The following MEF2C variants were observed in gnomAD, a reference collection of about 807,000 sequenced individuals.
MEF2C encodes the protein myocyte-specific enhancer factor 2C.
A neutral mutation model predicts 50.5 loss-of-function variants in MEF2C; 6 were observed. That is an observed-to-expected ratio of 0.12 (90% confidence interval 0.07 to 0.23). The LOEUF (loss-of-function observed/expected upper bound fraction) is 0.23, where lower values mean the gene tolerates loss of function less well. MEF2C is among the 10% of genes least tolerant of loss of function. MEF2C has a pLI of 1.00. For synonymous variants in MEF2C, 183 were observed against 228.0 expected (o/e 0.80, Z 1.78); for missense variants, 276 against 605.0 (o/e 0.46, Z 5.70).
chr5:88,876,519 G>C (rs1321670780), intron 1 of MEF2C, among the ~76,000 whole-genome samples: 1 of 151,894 alleles, frequency 6.6e-6, no homozygotes, highest in African/African-American at 2.4e-5. Context: ...CAATTAATTA[G>C]AAGACAAAAA....
chr5:88,873,708 ATTTTTTTTTTTTTTTTTTT>A (rs199642010), intron 1 of MEF2C, among the ~76,000 whole-genome samples: 1 of 93,832 alleles, frequency 1.1e-5, no homozygotes, highest in Admixed American at 1.2e-4. Flanking sequence ...GTCGTCACGG[ATTTTTTTTTTTTTTTTTTT>A]TTTTTTTTTT....
At chr5:88,750,647 T>A (rs879856055) in intron 5 of MEF2C, among the ~76,000 whole-genome samples, 2 of 152,222 alleles carry the variant, frequency 1.3e-5, no homozygotes, top group Non-Finnish European at 2.9e-5. Flanking sequence ...AAGGAATACA[T>A]GTGGTTACTG....
Position 88,735,355 on chromosome 5 carries a change from T to C in MEF2C, c.638-3454A>G, listed in dbSNP as rs891628967. On this transcript the variant is annotated intron_variant, in intron 6 of 10. Transcript: ENST00000504921. The stretch of plus-strand genomic sequence containing the variant: ...ATATGGATTCAACCTTTTTTCATGC[T>C]ATGTTTTAAAATTACCCTCTGCCTG... 4 of 985,422 alleles carry C rather than the reference T, an allele frequency of 4.1e-6. No homozygotes were observed. In the African/African-American group the frequency reaches 5.2e-5, roughly 13 times the overall value. 61.0% of individuals were successfully genotyped at this position (985,422 alleles called of 1,614,324 possible).
chr5:88,738,187 C>T, intron 6 of MEF2C: 1 of 985,278 alleles, frequency 1.0e-6, no homozygotes, highest in Non-Finnish European at 1.2e-6. Flanking sequence ...AGAAGTATTT[C>T]CCTAGTGTGA....
At chr5:88,872,150 G>A (rs1380733299) in intron 1 of MEF2C, among the ~76,000 whole-genome samples, 3 of 151,934 alleles carry the variant, frequency 2.0e-5, no homozygotes, top group Admixed American at 6.6e-5. Context: ...GGTTATTAAT[G>A]TATACAAAAG....
At chr5:88,873,448 G>T (rs571661167) in intron 1 of MEF2C, among the ~76,000 whole-genome samples, 1 of 152,092 alleles carries the variant, frequency 6.6e-6, no homozygotes, top group Admixed American at 6.6e-5. Flanking sequence ...CAAGAAGGAA[G>T]CTCAGACAGG....
intron 1 of MEF2C, among the ~76,000 whole-genome samples, chr5:88,854,320 G>A (rs1477982820): frequency 6.6e-6 from 1 of 152,116 alleles, no homozygotes; most frequent in Non-Finnish European, 1.5e-5. Context: ...TTAGTTGAGA[G>A]ATTAGAAATC....
intron 1 of MEF2C, among the ~76,000 whole-genome samples, chr5:88,878,635 T>C (rs1231827611): frequency 6.6e-6 from 1 of 152,066 alleles, no homozygotes; most frequent in Non-Finnish European, 1.5e-5. Flanking sequence ...TTCTAATAAA[T>C]ATACTCCATA....
At chr5:88,752,577 G>A (rs1383562624) in intron 4 of MEF2C, 2 of 974,846 alleles carry the variant, frequency 2.1e-6, no homozygotes, top group Non-Finnish European at 2.4e-6. Context: ...AAAGATAATA[G>A]GCATTTTAAC....
At chr5:88,894,423 T>C (rs1430061531) in intron 1 of MEF2C, among the ~76,000 whole-genome samples, 1 of 152,252 alleles carries the variant, frequency 6.6e-6, no homozygotes, top group Non-Finnish European at 1.5e-5. Flanking sequence ...TAAAGGCATG[T>C]CATCCTCTTT....
At position 88,879,134 on chromosome 5, in the gene MEF2C, C is replaced by T. The variant is rs181533283; in HGVS notation, c.-143+3821G>A. On this transcript the variant is annotated intron_variant, in intron 1 of 10. Coordinates refer to ENST00000504921, the MANE Select transcript of MEF2C (RefSeq NM_002397.5). ...ACAGATGATGTAGGCAATGAAAATG[C>T]AATGTTTACATTTATGGGTGACTCA... Among the ~76,000 whole-genome samples, 480 of 151,878 alleles carry T rather than the reference C, an allele frequency of 3.2e-3. 3 individuals are homozygous for T. The highest frequency in any genetic ancestry group is 0.011 in the African/African-American group (460 of 41,492).
intron 3 of MEF2C, chr5:88,762,010 T>G (rs1778089843): frequency 6.6e-6 from 1 of 152,132 alleles, no homozygotes; most frequent in South Asian, 2.1e-4. Flanking sequence ...GAAAGAAAAG[T>G]GAAAACAGCT....
At chr5:88,862,170 C>G (rs1445018977) in intron 1 of MEF2C, among the ~76,000 whole-genome samples, 1 of 152,216 alleles carries the variant, frequency 6.6e-6, no homozygotes, top group Non-Finnish European at 1.5e-5. Context: ...AATCCCTGCT[C>G]TTTACATAAA....
chr5:88,824,701 C>T (rs1257664094), intron 1 of MEF2C, among the ~76,000 whole-genome samples: 2 of 151,808 alleles, frequency 1.3e-5, no homozygotes, highest in Non-Finnish European at 2.9e-5. Flanking sequence ...ACAAGCCATC[C>T]TTCCTTTAAA....
chr5:88,801,648 G>C (rs1175093048), intron 3 of MEF2C, among the ~76,000 whole-genome samples: 2 of 151,874 alleles, frequency 1.3e-5, no homozygotes, highest in Non-Finnish European at 1.5e-5. Flanking sequence ...CACCACGCTC[G>C]GCTAATTTTT....
intron 3 of MEF2C, chr5:88,775,720 C>T (rs943122190): frequency 4.3e-6 from 3 of 690,656 alleles, no homozygotes; most frequent in Admixed American, 6.3e-5. Context: ...CCCATGACTG[C>T]ATATATTATG....
chr5:88,761,281 A>G lies in MEF2C; in HGVS notation c.306T>C (p.Asp102=), dbSNP rs1050819610. The part of the protein sequence containing the change: ...GLNGCDSPDP[D]ADDSVGHSPE... The stretch of plus-strand genomic sequence containing the variant: ...GGCTGTGACCTACGGAATCGTCCGC[A>G]TCGGGGTCTGGGCTGTCACAGCCAT... The change falls in exon 4 of 11, where the codon GAT becomes GAC. Residue 102 remains aspartate, a synonymous_variant. Transcript: ENST00000504921. 6.2e-7 allele frequency: 1 copy of G among 1,614,018 alleles called. No homozygotes were observed. The highest frequency in any genetic ancestry group is 8.5e-7 in the Non-Finnish European group (1 of 1,179,886).
In MEF2C at chr5:88,731,880, C is replaced by T; in HGVS notation, c.659G>A (p.Arg220Gln). The change falls in exon 7 of 11, where the codon CGA becomes CAA. Residue 220 changes from arginine (R) to glutamine (Q), a missense_variant. By Grantham distance (43) the Arg-to-Gln change is conservative. Around this residue, in one of 2 missense-constraint regions of MEF2C, gnomAD observed 256 missense variants for 468.1 expected, o/e 0.55. Transcript: ENST00000504921. ...TGAGACCAGCAGACCTGGTGAGTTT[C>T]GGGGATTGCCATACCCGTTCCCTGT... ...TSAGNGYGNP[R>Q]NSPGLLVSPG... The T allele has an allele frequency of 1.2e-6, 2 of 1,612,584 alleles. No homozygotes were observed. The highest frequency in any genetic ancestry group is 1.7e-6 in the Non-Finnish European group (2 of 1,179,136).
At chr5:88,837,430 A>C (rs1815602557) in intron 1 of MEF2C, among the ~76,000 whole-genome samples, 1 of 152,204 alleles carries the variant, frequency 6.6e-6, no homozygotes, top group Non-Finnish European at 1.5e-5. Context: ...CAAACCGCAA[A>C]GCACTAAGCG....
Sources: gnomAD v4.1 joint callset for allele counts (sites outside exome capture counted in the v4.1 genomes callset) on GRCh38, gnomAD v4.1.1 for gene constraint, gnomAD v4.1.1 regional missense constraint, MANE v1.5 for transcripts, NCBI Gene and HGNC (gene_info 2026-07-23, HGNC 2026-07-21) for gene names.